The following VPS37A variants were observed in gnomAD, a reference collection of about 807,000 sequenced individuals.
VPS37A encodes VPS37A subunit of ESCRT-I.
VPS37A carries 30 observed loss-of-function variants against 49.8 expected under a neutral mutation model. The ratio of observed to expected loss-of-function variants is 0.60; its 90% confidence interval spans 0.45 to 0.82. VPS37A has a LOEUF of 0.82. Ranked by LOEUF, VPS37A falls within the 40% of genes least tolerant of loss-of-function variation. VPS37A has a pLI of 0.00. For missense variants in VPS37A, 593 were observed against 464.4 expected (o/e 1.28, Z -2.55); for synonymous variants, 195 against 160.6 (o/e 1.21, Z -1.62).
intron 11 of VPS37A, among the ~76,000 whole-genome samples, chr8:17,288,683 G>A (rs961901643): frequency 1.3e-5 from 2 of 152,114 alleles, no homozygotes; most frequent in Middle Eastern, 3.2e-3. Flanking sequence ...ATAAACATAC[G>A]TGTGCATGCG....
chr8:17,332,070 T>A, the VPS37A span, among the ~76,000 whole-genome samples: 3 of 152,170 alleles, frequency 2.0e-5, no homozygotes, highest in Non-Finnish European at 4.4e-5. Flanking sequence ...GGGAAATGCA[T>A]CGGTTTCTAG....
chr8:17,272,826 A>G (rs28403217), intron 4 of VPS37A, among the ~76,000 whole-genome samples: 11,132 of 146,236 alleles, frequency 0.076, 673 homozygotes, highest in African/African-American at 0.18. Flanking sequence ...CAAAAAGTAT[A>G]AAGGAGTATA....
In VPS37A at chr8:17,297,981, A is replaced by G. The variant is rs1350271582; in HGVS notation, c.*2995A>G. ...CTACATTTTAAAACATCAAATATTT[A>G]TACTATTTGCTTTTCAAATAAAAGC... On this transcript the variant is annotated 3_prime_UTR_variant, in exon 12 of 12. Coordinates refer to ENST00000324849, the MANE Select transcript of VPS37A (RefSeq NM_152415.3). The G allele has an allele frequency of 6.6e-6, 1 of 152,120 alleles. No homozygotes were observed. The highest frequency in any genetic ancestry group is 1.5e-5 in the Non-Finnish European group (1 of 67,930). The allele number at this position is 152,120 out of a possible 1,614,324, so 9.4% of individuals were successfully genotyped here. A position where few individuals can be genotyped will look rare whatever the true frequency, so the allele number is the denominator to read the frequency against.
chr8:17,275,027 A>T lies in VPS37A; in HGVS notation c.642+69A>T. The stretch of plus-strand genomic sequence containing the variant: ...CATTCAATCCACACACCTTTATTAC[A>T]TGCCTCTGTGTGCCAGATAATAAGT... On this transcript the variant is annotated intron_variant, in intron 5 of 11. Coordinates refer to ENST00000324849, the MANE Select transcript of VPS37A (RefSeq NM_152415.3). 6 of 1,398,270 alleles carry T rather than the reference A, an allele frequency of 4.3e-6. No homozygotes were observed. The African/African-American group carries it at 7.1e-5, about 17-fold the overall frequency. 86.6% of individuals were successfully genotyped at this position (1,398,270 alleles called of 1,614,324 possible).
At chr8:17,319,539 C>G in the VPS37A span, among the ~76,000 whole-genome samples, 1 of 152,180 alleles carries the variant, frequency 6.6e-6, no homozygotes. Context: ...TCATGGCTAC[C>G]TTGGTGGGTT....
At chr8:17,255,232 G>T (rs1812329893) in intron 1 of VPS37A, among the ~76,000 whole-genome samples, 2 of 152,182 alleles carry the variant, frequency 1.3e-5, no homozygotes, top group African/African-American at 4.8e-5. Context: ...TGTAATCCCA[G>T]CACTTTGGGA....
intron 1 of VPS37A, among the ~76,000 whole-genome samples, chr8:17,248,827 GA>G (rs1030268754): frequency 5.9e-5 from 9 of 152,268 alleles, no homozygotes; most frequent in African/African-American, 1.9e-4. Context: ...CTGTTTAACA[GA>G]AAAGAATGGC....
At chr8:17,331,381 A>C in the VPS37A span, 1 of 1,292,046 alleles carries the variant, frequency 7.7e-7, no homozygotes, top group Non-Finnish European at 1.0e-6. Flanking sequence ...AAGCATTCAG[A>C]ATGATGTACG....
chr8:17,249,775 T>G (rs11782746), intron 1 of VPS37A, among the ~76,000 whole-genome samples: 6,477 of 152,290 alleles, frequency 0.043, 185 homozygotes, highest in Non-Finnish European at 0.051. Flanking sequence ...AAAGACAGGT[T>G]AACAAGCGAA....
Position 17,247,123 on chromosome 8 carries a change from C to T in VPS37A, c.-122C>T. ...GGACAGGCTTAGAGAAGACGCGGTCCCCAGCGCTTGGGCCACGGACGTCCC... is the reference window on the plus strand; with the variant it reads ...GGACAGGCTTAGAGAAGACGCGGTCTCCAGCGCTTGGGCCACGGACGTCCC... On this transcript the variant is annotated 5_prime_UTR_variant, in exon 1 of 12. Transcript: ENST00000324849. 7.4e-7 allele frequency: 1 copy of T among 1,350,712 alleles called. No homozygotes were observed. The highest frequency in any genetic ancestry group is 1.0e-6 in the Non-Finnish European group (1 of 985,044). 83.7% of individuals were successfully genotyped at this position (1,350,712 alleles called of 1,614,324 possible).
At chr8:17,263,985 A>G (rs1813204404) in intron 1 of VPS37A, among the ~76,000 whole-genome samples, 1 of 152,164 alleles carries the variant, frequency 6.6e-6, no homozygotes, top group African/African-American at 2.4e-5. Context: ...CTAGAGAGGG[A>G]CCAACCTCCA....
At chr8:17,275,188 G>C (rs1471315736) in intron 5 of VPS37A, among the ~76,000 whole-genome samples, 1 of 152,156 alleles carries the variant, frequency 6.6e-6, no homozygotes, top group Non-Finnish European at 1.5e-5. Flanking sequence ...GACACAGTTA[G>C]GGGAATGGTC....
chr8:17,314,992 C>G, the VPS37A span, among the ~76,000 whole-genome samples: 1 of 152,112 alleles, frequency 6.6e-6, no homozygotes, highest in Non-Finnish European at 1.5e-5. Context: ...GAAAAATACA[C>G]ACAATGATTC....
At chr8:17,269,696 G>C (rs1813800781) in intron 4 of VPS37A, among the ~76,000 whole-genome samples, 1 of 151,826 alleles carries the variant, frequency 6.6e-6, no homozygotes, top group African/African-American at 2.4e-5. Flanking sequence ...TGTCATCCTG[G>C]GATTTTCCCT....
chr8:17,284,666 T>A, intron 10 of VPS37A, 50 bp downstream of exon 10: 1 of 1,538,172 alleles, frequency 6.5e-7, no homozygotes, highest in Non-Finnish European at 8.7e-7. Context: ...AGTTTGGTAT[T>A]TTTATAGAGG....
chr8:17,284,695 T>TA, intron 10 of VPS37A, 79 bp downstream of exon 10: 1 of 1,450,982 alleles, frequency 6.9e-7, no homozygotes, highest in Non-Finnish European at 9.2e-7. Context: ...CACTGGGTGT[T>TA]AGCTATTTCT....
chr8:17,329,050 C>G, the VPS37A span, among the ~76,000 whole-genome samples: 1 of 152,196 alleles, frequency 6.6e-6, no homozygotes, highest in Non-Finnish European at 1.5e-5. Flanking sequence ...AACAATTTTA[C>G]TTTTCTGTTA....
At chr8:17,265,021 A>G (rs147591791) in intron 1 of VPS37A, among the ~76,000 whole-genome samples, 1 of 152,346 alleles carries the variant, frequency 6.6e-6, no homozygotes, top group Non-Finnish European at 1.5e-5. Flanking sequence ...AATGGTGGCT[A>G]AAACAAGATA....
the VPS37A span, among the ~76,000 whole-genome samples, chr8:17,314,632 GTAGT>G: frequency 6.6e-6 from 1 of 152,296 alleles, no homozygotes; most frequent in African/African-American, 2.4e-5. Context: ...AAAAGCACAA[GTAGT>G]TAAATTCTGA....
Sources: allele counts gnomAD v4.1 joint callset (sites outside exome capture counted in the v4.1 genomes callset), GRCh38; gene constraint gnomAD v4.1.1; transcripts MANE v1.5; gene names NCBI Gene and HGNC (gene_info 2026-07-23, HGNC 2026-07-21).